Variants in ARL15 observed in about 807,000 individuals in gnomAD.
The protein encoded by ARL15 is ADP-ribosylation factor-like protein 15.
In ARL15, 19 loss-of-function variants were observed where a neutral mutation model predicts 25.2. The observed-to-expected ratio is 0.75, with a 90% CI of 0.53 to 1.10. The LOEUF (loss-of-function observed/expected upper bound fraction) is 1.10. ARL15 is among the 50% of genes least tolerant of loss of function. ARL15 has a pLI of 0.00. For synonymous variants in ARL15, 94 were observed against 86.8 expected (o/e 1.08, Z -0.46); for missense variants, 220 against 246.0 (o/e 0.89, Z 0.71).
chr5:53,960,387 G>A (rs1362962315), intron 4 of ARL15, among the ~76,000 whole-genome samples: 1 of 152,184 alleles, frequency 6.6e-6, no homozygotes, highest in Non-Finnish European at 1.5e-5. Context: ...CACTACAAAA[G>A]TAAATGTGCT....
At chr5:53,905,748 T>C (rs935016945) in intron 4 of ARL15, among the ~76,000 whole-genome samples, 3 of 152,168 alleles carry the variant, frequency 2.0e-5, no homozygotes, top group African/African-American at 2.4e-5. Context: ...AAAACAAAAA[T>C]CATATAATTC....
At chr5:53,961,336 A>T (rs1747360699) in intron 4 of ARL15, among the ~76,000 whole-genome samples, 1 of 151,942 alleles carries the variant, frequency 6.6e-6, no homozygotes, top group Admixed American at 6.6e-5. Flanking sequence ...CATCTCTACT[A>T]AAAATACAAA....
chr5:53,899,263 G>T (rs1014998582), intron 4 of ARL15, among the ~76,000 whole-genome samples: 1 of 146,600 alleles, frequency 6.8e-6, no homozygotes, highest in African/African-American at 2.5e-5. Context: ...CAGGAGAATC[G>T]CTTGAACCTG....
At chr5:54,292,396 G>A (rs1183251673) in intron 1 of ARL15, among the ~76,000 whole-genome samples, 1 of 152,188 alleles carries the variant, frequency 6.6e-6, no homozygotes, top group Non-Finnish European at 1.5e-5. Flanking sequence ...GACATGTCGT[G>A]TGGATAAGCA....
chr5:54,270,296 T>G (rs961801497), intron 1 of ARL15, among the ~76,000 whole-genome samples: 17 of 148,552 alleles, frequency 1.1e-4, no homozygotes, highest in African/African-American at 4.1e-4. Context: ...GCTTGTGCCC[T>G]GGAGGTTTTT....
At chr5:54,055,339 T>G (rs1750833563) in intron 4 of ARL15, among the ~76,000 whole-genome samples, 1 of 150,966 alleles carries the variant, frequency 6.6e-6, no homozygotes, top group East Asian at 1.9e-4. Context: ...ATGTATTAGT[T>G]GCATCATCAT....
chr5:53,983,408 C>T (rs1255972688), intron 4 of ARL15, among the ~76,000 whole-genome samples: 1 of 152,108 alleles, frequency 6.6e-6, no homozygotes, highest in East Asian at 1.9e-4. Flanking sequence ...TTATAAGAAA[C>T]TTCTGAAATT....
At chr5:54,253,645 G>T (rs981722939) in intron 1 of ARL15, among the ~76,000 whole-genome samples, 2 of 151,826 alleles carry the variant, frequency 1.3e-5, no homozygotes, top group Non-Finnish European at 2.9e-5. Context: ...AGGCTGGAGT[G>T]CAATGGCGTG....
At chr5:54,063,322 C>T (rs1292213079) in intron 4 of ARL15, among the ~76,000 whole-genome samples, 1 of 152,180 alleles carries the variant, frequency 6.6e-6, no homozygotes, top group East Asian at 1.9e-4. Flanking sequence ...ACTGTGCTGC[C>T]AAACTGTTCT....
chr5:54,277,849 A>C (rs1757963948), intron 1 of ARL15, among the ~76,000 whole-genome samples: 1 of 152,234 alleles, frequency 6.6e-6, no homozygotes, highest in Non-Finnish European at 1.5e-5. Flanking sequence ...GTAACCATGC[A>C]GGACATTCCC....
At chr5:54,095,287 T>C (rs1048802697) in intron 4 of ARL15, among the ~76,000 whole-genome samples, 1 of 152,230 alleles carries the variant, frequency 6.6e-6, no homozygotes, top group African/African-American at 2.4e-5. Context: ...TTCCTGTTTA[T>C]GCATAGGAAG....
chr5:54,061,271 C>A (rs1036149539), intron 4 of ARL15, among the ~76,000 whole-genome samples: 2 of 152,164 alleles, frequency 1.3e-5, no homozygotes, highest in African/African-American at 4.8e-5. Flanking sequence ...CAAGCCTTCA[C>A]AGCTTCCATG....
At chr5:54,267,667 T>C (rs1003846232) in intron 1 of ARL15, among the ~76,000 whole-genome samples, 1 of 152,186 alleles carries the variant, frequency 6.6e-6, no homozygotes, top group African/African-American at 2.4e-5. Flanking sequence ...AGCCTGGTGG[T>C]GACAAAATCT....
At chr5:54,014,107 A>T (rs569809013) in intron 4 of ARL15, among the ~76,000 whole-genome samples, 2 of 152,340 alleles carry the variant, frequency 1.3e-5, no homozygotes, top group African/African-American at 2.4e-5. Flanking sequence ...CTTAAAGTTA[A>T]TGGTTATTGG....
chr5:54,082,444 T>C lies in ARL15; in HGVS notation c.462+30758A>G, dbSNP rs544863260. On this transcript the variant is annotated intron_variant, in intron 4 of 4. Transcript: ENST00000504924. ...TTAGAAGTTTTACCCTTTCAAAAAC[T>C]ACATATACATACGTGTGTGTATAGA... 4.0e-3 allele frequency among the ~76,000 whole-genome samples: 611 copies of C among 152,278 alleles called. 1 individual carries two copies. The highest frequency in any genetic ancestry group is 6.1e-3 in the Non-Finnish European group (417 of 68,020).
rs74693615 is a variant in ARL15, at chr5:54,208,569, T to C, written c.49-36641A>G. Among the ~76,000 whole-genome samples the C allele has an allele frequency of 4.6e-3, 706 of 152,306 alleles. 4 individuals are homozygous for C. The highest frequency in any genetic ancestry group is 6.8e-3 in the Middle Eastern group (2 of 294). On this transcript the variant is annotated intron_variant, in intron 1 of 4. Coordinates refer to ENST00000504924, the MANE Select transcript of ARL15 (RefSeq NM_019087.3). Reference sequence around the variant, plus strand: ...ATCAAAACAATGATGCTGCTCTGGATAGCAACAGCTAGAAGCTTAGAAATA... The same window carrying C: ...ATCAAAACAATGATGCTGCTCTGGACAGCAACAGCTAGAAGCTTAGAAATA...
intron 4 of ARL15, among the ~76,000 whole-genome samples, chr5:53,894,114 G>T (rs1744800128): frequency 6.6e-6 from 1 of 152,164 alleles, no homozygotes; most frequent in Non-Finnish European, 1.5e-5. Flanking sequence ...TACTTTGGGG[G>T]TGCGTATTTA....
intron 1 of ARL15, among the ~76,000 whole-genome samples, chr5:54,214,560 C>T (rs2112514972): frequency 6.6e-6 from 1 of 152,268 alleles, no homozygotes; most frequent in East Asian, 1.9e-4. Flanking sequence ...CGACATGCCT[C>T]AGCGTGTCCA....
intron 4 of ARL15, among the ~76,000 whole-genome samples, chr5:53,910,821 T>C (rs1041037486): frequency 2.0e-5 from 3 of 151,550 alleles, no homozygotes; most frequent in East Asian, 3.9e-4. Flanking sequence ...GAGCAACAAA[T>C]ATGAAACTCA....
Sources: allele counts gnomAD v4.1 joint callset (sites outside exome capture counted in the v4.1 genomes callset), GRCh38; gene constraint gnomAD v4.1.1; transcripts MANE v1.5; gene names NCBI Gene and HGNC (gene_info 2026-07-23, HGNC 2026-07-21).